Variants in SLC24A2 observed in about 807,000 individuals in gnomAD.
The protein encoded by SLC24A2 is sodium/potassium/calcium exchanger 2.
In SLC24A2, 36 loss-of-function variants were observed where a neutral mutation model predicts 62.0. That is an observed-to-expected ratio of 0.58 (90% confidence interval 0.44 to 0.77). The LOEUF (loss-of-function observed/expected upper bound fraction) is 0.77, where lower values mean the gene tolerates loss of function less well. SLC24A2 is among the 30% of genes least tolerant of loss of function. The pLI is 0.00. For missense variants in SLC24A2, 846 were observed against 817.9 expected, an observed-to-expected ratio of 1.03 and a Z score of -0.42; for synonymous variants, 358 against 294.0, an observed-to-expected ratio of 1.22 and a Z score of -2.23.
At chr9:20,200,064 C>A in the SLC24A2 span, among the ~76,000 whole-genome samples, 2 of 151,818 alleles carry the variant, frequency 1.3e-5, no homozygotes, top group Non-Finnish European at 2.9e-5. Context: ...ATAGTCAGAT[C>A]CTTCAAATAA....
At chr9:20,239,081 G>A in the SLC24A2 span, among the ~76,000 whole-genome samples, 2 of 152,136 alleles carry the variant, frequency 1.3e-5, no homozygotes, top group Non-Finnish European at 2.9e-5. Context: ...TCTTCTTTAA[G>A]CCACTCAGTC....
At chr9:20,098,171 G>A in the SLC24A2 span, among the ~76,000 whole-genome samples, 3 of 152,122 alleles carry the variant, frequency 2.0e-5, no homozygotes, top group Admixed American at 6.5e-5. Context: ...AATAATCAAA[G>A]GAACAGATAT....
chr9:19,836,729 G>T, the SLC24A2 span, among the ~76,000 whole-genome samples: 1 of 152,174 alleles, frequency 6.6e-6, no homozygotes, highest in Non-Finnish European at 1.5e-5. Context: ...CTCATTTTAT[G>T]AGGCCAGCAT....
the SLC24A2 span, among the ~76,000 whole-genome samples, chr9:20,014,488 A>T: frequency 4.9e-4 from 65 of 133,512 alleles, no homozygotes; most frequent in Non-Finnish European, 7.7e-4. Flanking sequence ...TGGATAAAGA[A>T]AAATGTGATA....
chr9:20,050,942 A>G, the SLC24A2 span, among the ~76,000 whole-genome samples: 279 of 152,324 alleles, frequency 1.8e-3, 3 homozygotes, highest in Admixed American at 0.016. Flanking sequence ...ACTAGAAAAA[A>G]AGTTAAATAA....
the SLC24A2 span, among the ~76,000 whole-genome samples, chr9:20,261,893 C>G: frequency 6.6e-6 from 1 of 151,898 alleles, no homozygotes; most frequent in Admixed American, 6.6e-5. Context: ...GCGCCCGCCA[C>G]CACGCCTGGC....
the SLC24A2 span, among the ~76,000 whole-genome samples, chr9:19,965,774 T>A: frequency 6.6e-6 from 1 of 152,192 alleles, no homozygotes; most frequent in African/African-American, 2.4e-5. Context: ...TGTCACATTG[T>A]GACCTGGGAA....
At chr9:20,163,188 AT>A in the SLC24A2 span, among the ~76,000 whole-genome samples, 2 of 152,134 alleles carry the variant, frequency 1.3e-5, no homozygotes, top group Non-Finnish European at 2.9e-5. Flanking sequence ...AGGAAGTCAA[AT>A]TGTCCCTGTT....
chr9:19,623,903 C>T (rs1191752549), intron 2 of SLC24A2, among the ~76,000 whole-genome samples: 1 of 152,184 alleles, frequency 6.6e-6, no homozygotes, highest in Non-Finnish European at 1.5e-5. Flanking sequence ...GTGGGCATCA[C>T]TAAATTCGCC....
At chr9:20,257,504 G>A in the SLC24A2 span, among the ~76,000 whole-genome samples, 4 of 143,648 alleles carry the variant, frequency 2.8e-5, no homozygotes, top group Non-Finnish European at 6.2e-5. Context: ...TGTTAGGACT[G>A]GTGTTAGGAT....
At chr9:19,615,941 A>G (rs989298753) in intron 4 of SLC24A2, among the ~76,000 whole-genome samples, 2 of 151,856 alleles carry the variant, frequency 1.3e-5, no homozygotes, top group African/African-American at 4.8e-5. Flanking sequence ...AAAACCAGGA[A>G]CATTTAGATT....
At chr9:20,292,689 G>A in the SLC24A2 span, among the ~76,000 whole-genome samples, 14 of 152,278 alleles carry the variant, frequency 9.2e-5, no homozygotes, top group East Asian at 2.7e-3. Context: ...CTGCAACCTT[G>A]ACCTCCTGGG....
At chr9:19,851,529 C>T in the SLC24A2 span, among the ~76,000 whole-genome samples, 1 of 152,116 alleles carries the variant, frequency 6.6e-6, no homozygotes, top group African/African-American at 2.4e-5. Flanking sequence ...CTCCCTGTGT[C>T]CCTGTGTTCT....
At chr9:19,645,675 C>T (rs1818620321) in intron 2 of SLC24A2, among the ~76,000 whole-genome samples, 1 of 152,180 alleles carries the variant, frequency 6.6e-6, no homozygotes, top group East Asian at 1.9e-4. Flanking sequence ...GGAGGACATC[C>T]CAGCGGCCCA....
At chr9:19,558,783 T>G (rs1021502465) in intron 7 of SLC24A2, among the ~76,000 whole-genome samples, 2 of 152,202 alleles carry the variant, frequency 1.3e-5, no homozygotes, top group African/African-American at 4.8e-5. Context: ...TCCTCTTTCA[T>G]TATTGGAGCA....
At chr9:20,163,073 G>A in the SLC24A2 span, among the ~76,000 whole-genome samples, 3 of 152,106 alleles carry the variant, frequency 2.0e-5, no homozygotes, top group East Asian at 1.9e-4. Context: ...ACTGGCAGAA[G>A]ACAGGGATAC....
chr9:19,958,847 C>T, the SLC24A2 span, among the ~76,000 whole-genome samples: 8 of 152,086 alleles, frequency 5.3e-5, no homozygotes, highest in East Asian at 1.9e-4. Context: ...TTTTAATAAA[C>T]GCAAGGTAAA....
At chr9:20,181,371 G>T in the SLC24A2 span, among the ~76,000 whole-genome samples, 1 of 152,036 alleles carries the variant, frequency 6.6e-6, no homozygotes, top group Non-Finnish European at 1.5e-5. Flanking sequence ...AAGCGTGGTA[G>T]ATGACTTCAA....
At chr9:20,107,601 TC>T in the SLC24A2 span, among the ~76,000 whole-genome samples, 2 of 152,184 alleles carry the variant, frequency 1.3e-5, no homozygotes, top group Non-Finnish European at 2.9e-5. Context: ...GGGAAAGGAT[TC>T]CCCATTTCAT....
Sources: allele counts gnomAD v4.1 joint callset (sites outside exome capture counted in the v4.1 genomes callset), GRCh38; gene constraint gnomAD v4.1.1; transcripts MANE v1.5; gene names NCBI Gene and HGNC (gene_info 2026-07-23, HGNC 2026-07-21).